FSHR: variants seen among roughly 807,000 people sequenced by gnomAD.
FSHR encodes follicle-stimulating hormone receptor.
A neutral mutation model predicts 52.1 loss-of-function variants in FSHR; 46 were observed. The ratio of observed to expected loss-of-function variants is 0.88; its 90% CI spans 0.70 to 1.13. FSHR has a LOEUF of 1.13. FSHR is among the 50% of genes most tolerant of loss of function. The pLI is 0.00. For synonymous variants in FSHR, 399 were observed against 309.6 expected (o/e 1.29, Z -3.03); for missense variants, 964 against 834.6 (o/e 1.16, Z -1.91).
chr2:49,013,310 A>C (rs1037412194), intron 4 of FSHR, among the ~76,000 whole-genome samples: 1 of 151,624 alleles, frequency 6.6e-6, no homozygotes, highest in Admixed American at 6.6e-5. Flanking sequence ...TGGTAGCCCA[A>C]GCTAACTAGT....
intron 4 of FSHR, among the ~76,000 whole-genome samples, chr2:49,013,487 T>TATATAAATATATATATATATAAATAA (rs1558389436): frequency 1.7e-4 from 11 of 63,888 alleles, no homozygotes; most frequent in African/African-American, 5.3e-4. Flanking sequence ...TATAAATAAA[T>TATATAAATATATATATATATAAATAA]ATATATATAT....
At chr2:49,045,498 G>A (rs1668623859) in intron 2 of FSHR, among the ~76,000 whole-genome samples, 1 of 152,218 alleles carries the variant, frequency 6.6e-6, no homozygotes, top group Non-Finnish European at 1.5e-5. Context: ...TGGCTAAGAG[G>A]TTCTGGTTGA....
At chr2:49,139,697 A>T (rs1192251835) in intron 1 of FSHR, among the ~76,000 whole-genome samples, 3 of 150,170 alleles carry the variant, frequency 2.0e-5, no homozygotes. Flanking sequence ...TCCTGGGTTC[A>T]CGCCATTCTC....
chr2:48,968,924 C>T (rs1290787619), intron 8 of FSHR, 41 bp from the exon 9 acceptor site: 2 of 1,584,974 alleles, frequency 1.3e-6, no homozygotes, highest in Non-Finnish European at 1.7e-6. Context: ...TTACTATGGA[C>T]CTAAAACTTT....
chr2:49,074,353 T>C (rs1669869322), intron 1 of FSHR, among the ~76,000 whole-genome samples: 1 of 151,792 alleles, frequency 6.6e-6, no homozygotes, highest in African/African-American at 2.4e-5. Context: ...AACAAAAAAG[T>C]TGATTAAGAA....
chr2:48,978,057 C>G (rs1330364074), intron 8 of FSHR, among the ~76,000 whole-genome samples: 1 of 152,186 alleles, frequency 6.6e-6, no homozygotes, highest in Non-Finnish European at 1.5e-5. Context: ...GGGATTATGA[C>G]TTGCACAGAA....
chr2:49,029,085 T>C (rs928876264), intron 2 of FSHR, among the ~76,000 whole-genome samples: 2 of 152,246 alleles, frequency 1.3e-5, no homozygotes, highest in Non-Finnish European at 2.9e-5. Context: ...TACATTTTTA[T>C]TGATGGATTA....
rs145251855 is a variant in FSHR, at chr2:48,985,050, A to G, written c.525-1884T>C. On this transcript the variant is annotated intron_variant, in intron 6 of 9. Transcript: ENST00000406846. ...AAGCTAGTAACAAAGGGAAACCCAC[A>G]TTTATTACACGCACCCCTGGTCTCT... Among the ~76,000 whole-genome samples the G allele has an allele frequency of 1.0e-3, 154 of 152,272 alleles. 1 individual carries two copies. Among genetic ancestry groups the G allele is most frequent in the African/African-American group, 3.3e-3 (139 of 41,558 alleles).
chr2:49,154,050 G>A (rs1297693383), intron 1 of FSHR, among the ~76,000 whole-genome samples: 3 of 152,072 alleles, frequency 2.0e-5, no homozygotes, highest in East Asian at 1.9e-4. Flanking sequence ...TGACACTGCC[G>A]TTCTCTGACA....
intron 1 of FSHR, among the ~76,000 whole-genome samples, chr2:49,129,116 T>C (rs779533131): frequency 6.6e-6 from 1 of 152,088 alleles, no homozygotes; most frequent in Non-Finnish European, 1.5e-5. Context: ...ACTTTTGTTT[T>C]CACTATCTCT....
chr2:49,044,251 A>G (rs1377148212), intron 2 of FSHR, among the ~76,000 whole-genome samples: 3 of 152,186 alleles, frequency 2.0e-5, no homozygotes, highest in African/African-American at 7.2e-5. Context: ...ATAAAGTCAT[A>G]AACAGCTGGG....
chr2:49,030,382 T>C (rs1668059498), intron 2 of FSHR, among the ~76,000 whole-genome samples: 1 of 152,076 alleles, frequency 6.6e-6, no homozygotes, highest in Admixed American at 6.6e-5. Flanking sequence ...AATAATTCTC[T>C]CTGGGTTCGA....
At chr2:48,976,118 G>A (rs768615555) in intron 8 of FSHR, among the ~76,000 whole-genome samples, 1 of 152,162 alleles carries the variant, frequency 6.6e-6, no homozygotes, top group African/African-American at 2.4e-5. Context: ...TATTGGCTGC[G>A]AGTTTGTCAT....
chr2:49,117,340 G>A (rs1268865486), intron 1 of FSHR, among the ~76,000 whole-genome samples: 3 of 152,176 alleles, frequency 2.0e-5, no homozygotes, highest in African/African-American at 7.2e-5. Context: ...CCTCTCTAGT[G>A]AATGGGACAT....
At chr2:49,107,886 G>T (rs565009533) in intron 1 of FSHR, among the ~76,000 whole-genome samples, 4 of 152,194 alleles carry the variant, frequency 2.6e-5, no homozygotes, top group Admixed American at 2.6e-4. Context: ...GCTTTCAAAT[G>T]AATATTGAAA....
At chr2:48,981,340 G>T (rs2104058743) in intron 8 of FSHR, among the ~76,000 whole-genome samples, 1 of 152,222 alleles carries the variant, frequency 6.6e-6, no homozygotes, top group South Asian at 2.1e-4. Context: ...TTTCCTGCAT[G>T]GCACAAGACT....
At chr2:49,148,483 G>T (rs1433152659) in intron 1 of FSHR, among the ~76,000 whole-genome samples, 1 of 152,018 alleles carries the variant, frequency 6.6e-6, no homozygotes, top group Non-Finnish European at 1.5e-5. Flanking sequence ...CGAATCATTT[G>T]TACTACCTGT....
chr2:49,098,312 A>C (rs961284057), intron 1 of FSHR, among the ~76,000 whole-genome samples: 15 of 152,294 alleles, frequency 9.8e-5, no homozygotes, highest in Non-Finnish European at 2.1e-4. Context: ...TTATAAAGGC[A>C]CATGATAAAT....
chr2:49,013,073 T>C (rs1370445874), intron 4 of FSHR, among the ~76,000 whole-genome samples: 1 of 151,784 alleles, frequency 6.6e-6, no homozygotes, highest in African/African-American at 2.4e-5. Context: ...AGTCTCTCTT[T>C]CTCCTTTCTC....
Sources: allele counts gnomAD v4.1 joint callset (sites outside exome capture counted in the v4.1 genomes callset), GRCh38; gene constraint gnomAD v4.1.1; transcripts MANE v1.5; gene names NCBI Gene and HGNC (gene_info 2026-07-23, HGNC 2026-07-21).